The following NCK2 variants were observed in gnomAD, a reference collection of about 807,000 sequenced individuals.
NCK2 encodes cytoplasmic protein NCK2.
In NCK2, 16 loss-of-function variants were observed where a neutral mutation model predicts 33.9. The observed-to-expected ratio is 0.47, with a 90% CI of 0.32 to 0.72. NCK2 has a LOEUF of 0.72. Among genes scored for constraint, NCK2 ranks in the 30% least tolerant of loss-of-function variants. The pLI, the probability that NCK2 is intolerant of heterozygous loss-of-function variation, is 0.03. For synonymous variants in NCK2, 273 were observed against 239.9 expected (o/e 1.14, Z -1.27); for missense variants, 418 against 537.3 (o/e 0.78, Z 2.19).
intron 1 of NCK2, among the ~76,000 whole-genome samples, chr2:105,746,276 G>C (rs1460954740): frequency 1.3e-5 from 2 of 152,198 alleles, no homozygotes; most frequent in Non-Finnish European, 2.9e-5. Flanking sequence ...GGCCAGCTCC[G>C]TCCCTCGACC....
In NCK2 at chr2:105,830,985, C is replaced by T. The variant is rs186329051; in HGVS notation, c.-17+14372C>T. On this transcript the variant is annotated intron_variant, in intron 2 of 4. Coordinates refer to ENST00000233154, the MANE Select transcript of NCK2 (RefSeq NM_003581.5). ...GAATATTTTGGATAATAAATAGTCC[C>T]TTATTGGATGAATAGTTTGCAAATA... 1.1e-4 allele frequency among the ~76,000 whole-genome samples: 16 copies of T among 152,070 alleles called. No homozygotes were observed. The East Asian group carries it at 2.7e-3, about 26-fold the overall frequency.
At chr2:105,813,393 T>C (rs79267844) in intron 1 of NCK2, among the ~76,000 whole-genome samples, 2,647 of 152,270 alleles carry the variant, frequency 0.017, 40 homozygotes, top group Non-Finnish European at 0.021. Flanking sequence ...CACCCAGTGG[T>C]ATTATGTCCA....
rs542194186 is a variant in NCK2, at chr2:105,873,360, G to A, written c.227-7968G>A. ...CAGAAAATCGAGGTTACATCATGTT[G>A]GTCTGTGAGGCCTAATGGATGTGGC... On this transcript the variant is annotated intron_variant, in intron 3 of 4. Coordinates refer to ENST00000233154, the MANE Select transcript of NCK2 (RefSeq NM_003581.5). 2.0e-5 allele frequency among the ~76,000 whole-genome samples: 3 copies of A among 152,158 alleles called. No individual in the cohort carries two copies. The East Asian group carries it at 5.8e-4, about 29-fold the overall frequency.
chr2:105,871,227 C>G (rs1240716183), intron 3 of NCK2, among the ~76,000 whole-genome samples: 1 of 151,944 alleles, frequency 6.6e-6, no homozygotes, highest in African/African-American at 2.4e-5. Context: ...GAGATAAATA[C>G]AGAGAGATGA....
intron 1 of NCK2, among the ~76,000 whole-genome samples, chr2:105,812,648 T>C (rs1472269258): frequency 6.6e-6 from 1 of 152,192 alleles, no homozygotes; most frequent in Non-Finnish European, 1.5e-5. Flanking sequence ...TGCTTTTTTG[T>C]TTTTCTTTTT....
intron 2 of NCK2, among the ~76,000 whole-genome samples, chr2:105,837,732 C>T (rs995458709): frequency 5.3e-5 from 8 of 152,180 alleles, no homozygotes; most frequent in Non-Finnish European, 5.9e-5. Flanking sequence ...GATGTGTATT[C>T]CCATTGATTT....
intron 2 of NCK2, among the ~76,000 whole-genome samples, chr2:105,835,413 A>ATG (rs1573179420): frequency 1.9e-4 from 15 of 80,922 alleles, no homozygotes; most frequent in East Asian, 9.8e-4. Flanking sequence ...ATACGTGTAT[A>ATG]TATATATATA....
At chr2:105,817,167 C>T (rs1675524044) in intron 2 of NCK2, among the ~76,000 whole-genome samples, 1 of 72,450 alleles carries the variant, frequency 1.4e-5, no homozygotes, top group African/African-American at 6.4e-5. Context: ...CACGGCAAGA[C>T]TTGGTCTCAA....
chr2:105,752,903 C>T (rs763887380), intron 1 of NCK2, among the ~76,000 whole-genome samples: 1 of 152,162 alleles, frequency 6.6e-6, no homozygotes, highest in Non-Finnish European at 1.5e-5. Flanking sequence ...CTCTCCCACA[C>T]GGACACAGAC....
At position 105,894,018 on chromosome 2, in the gene NCK2, C is replaced by CA. The variant is rs1416309149; in HGVS notation, c.*843dup. The CA allele has an allele frequency of 1.2e-5, 1 of 86,142 alleles. No individual in the cohort carries two copies. The allele number at this position is 86,142 out of a possible 1,614,324, so 5.3% of individuals were successfully genotyped here. A position where few individuals can be genotyped will look rare whatever the true frequency, so the allele number is the denominator to read the frequency against. ...ACACGTGCACACACACACACACACA[C>CA]ACTATATATATATATATTATTTACA... On this transcript the variant is annotated 3_prime_UTR_variant, in exon 5 of 5. Transcript: ENST00000233154.
At chr2:105,861,222 CAA>C (rs912643231) in intron 3 of NCK2, among the ~76,000 whole-genome samples, 3 of 152,174 alleles carry the variant, frequency 2.0e-5, no homozygotes, top group African/African-American at 4.8e-5. Flanking sequence ...AGTGGACTAA[CAA>C]ATTCCTCATT....
chr2:105,783,835 C>A (rs1432705015), intron 1 of NCK2, among the ~76,000 whole-genome samples: 1 of 152,106 alleles, frequency 6.6e-6, no homozygotes, highest in African/African-American at 2.4e-5. Flanking sequence ...AAGGGCATTT[C>A]TTCCCAGAAA....
At chr2:105,800,422 A>T (rs536777662) in intron 1 of NCK2, among the ~76,000 whole-genome samples, 1 of 152,212 alleles carries the variant, frequency 6.6e-6, no homozygotes, top group African/African-American at 2.4e-5. Flanking sequence ...ATTAGCATTC[A>T]TCTGTTTCCT....
chr2:105,786,927 G>T (rs930207518), intron 1 of NCK2, among the ~76,000 whole-genome samples: 3 of 152,218 alleles, frequency 2.0e-5, no homozygotes, highest in Admixed American at 6.5e-5. Context: ...TAACAGCACC[G>T]TCCAGACTCG....
At chr2:105,805,122 G>T (rs1218162900) in intron 1 of NCK2, among the ~76,000 whole-genome samples, 1 of 152,212 alleles carries the variant, frequency 6.6e-6, no homozygotes, top group Non-Finnish European at 1.5e-5. Flanking sequence ...AATGACAGTT[G>T]ATATTATAAA....
chr2:105,832,920 T>C (rs778613251), intron 2 of NCK2, among the ~76,000 whole-genome samples: 17 of 151,776 alleles, frequency 1.1e-4, no homozygotes, highest in Non-Finnish European at 2.2e-4. Flanking sequence ...TTGAAAAGAA[T>C]TGGTGTTAGT....
chr2:105,881,773 G>A lies in NCK2; in HGVS notation c.672G>A (p.Val224=), dbSNP rs145258554. ...LNFEKGETME[V]IEKPENDPEW... ...TCGAGAAGGGGGAGACCATGGAGGT[G>A]ATTGAGAAGCCGGAGAACGACCCCG... Residue 224 remains valine (V), a synonymous_variant, in exon 4 of 5, where the codon GTG becomes GTA. Transcript: ENST00000233154. 7 of 1,614,128 alleles carry A rather than the reference G, an allele frequency of 4.3e-6. No individual in the cohort carries two copies. The East Asian group carries it at 1.3e-4, about 31-fold the overall frequency.
intron 3 of NCK2, among the ~76,000 whole-genome samples, chr2:105,865,705 G>A (rs936354994): frequency 1.6e-4 from 25 of 152,246 alleles, no homozygotes; most frequent in African/African-American, 5.3e-4. Flanking sequence ...CTCCTTTTCC[G>A]TAATTGAGTT....
At position 105,779,519 on chromosome 2, in the gene NCK2, C is replaced by T. The variant is rs936222644; in HGVS notation, c.-201+34381C>T. 9.2e-5 allele frequency among the ~76,000 whole-genome samples: 14 copies of T among 152,254 alleles called. 1 individual carries two copies. The South Asian group carries it at 2.7e-3, about 29-fold the overall frequency. On this transcript the variant is annotated intron_variant, in intron 1 of 4. Coordinates refer to ENST00000233154, the MANE Select transcript of NCK2 (RefSeq NM_003581.5). ...CCACCTACCAAGTGGTGGGTGGCTG[C>T]GTCCAGCTGAACTTGGCTTCCTGGA... is the stretch of plus-strand genomic sequence containing the variant.
Sources: allele counts gnomAD v4.1 joint callset (sites outside exome capture counted in the v4.1 genomes callset), GRCh38; gene constraint gnomAD v4.1.1; transcripts MANE v1.5; gene names NCBI Gene and HGNC (gene_info 2026-07-23, HGNC 2026-07-21).